The following PFKFB3 variants were observed in gnomAD, a reference collection of about 807,000 sequenced individuals.
PFKFB3 encodes the protein 6-phosphofructo-2-kinase/fructose-2,6-bisphosphatase 3.
Under a neutral mutation model 68.0 loss-of-function variants are expected in PFKFB3, and 33 were observed. That is an observed-to-expected ratio of 0.49 (90% confidence interval 0.37 to 0.65). The LOEUF is 0.65. Ranked by LOEUF, PFKFB3 falls within the 30% of genes least tolerant of loss-of-function variation. The pLI is 0.00. For missense variants in PFKFB3, 586 were observed against 712.2 expected, an observed-to-expected ratio of 0.82 and a Z score of 2.02; for synonymous variants, 315 against 288.2, an observed-to-expected ratio of 1.09 and a Z score of -0.94.
rs79106106 is a variant in PFKFB3 at position 6,174,591 on chromosome 10, G to A, written c.16+29578G>A. Among the ~76,000 whole-genome samples the A allele has an allele frequency of 6.8e-3, 1,042 of 152,280 alleles. 12 individuals carry two copies. Among genetic ancestry groups the A allele is most frequent in the African/African-American group, 0.024 (985 of 41,562 alleles). On this transcript the variant is annotated intron_variant, in intron 1 of 14. Transcript: ENST00000379789. ...GGCGTGTTTCTGTTTCTGTGGCACT[G>A]GGCCTGCTGCCCCTGGACTGTGGAG...
rs1845842496 is a variant in PFKFB3, at chr10:6,233,060, G to T, written c.*118G>T. 7.4e-6 allele frequency: 6 copies of T among 807,856 alleles called. No homozygotes were observed. In the East Asian group the frequency reaches 1.5e-4, roughly 21 times the overall value. 50.0% of individuals were successfully genotyped at this position (807,856 alleles called of 1,614,324 possible). On this transcript the variant is annotated 3_prime_UTR_variant, in exon 15 of 15. Coordinates refer to ENST00000379775, the MANE Select transcript of PFKFB3 (RefSeq NM_004566.4). Reference sequence around the variant, plus strand: ...TCCGGAGAGGGTGGGGTGGAGCAGCGGGGGAGCCTTGGCCGAAGAGAACCA... The same window carrying T: ...TCCGGAGAGGGTGGGGTGGAGCAGCTGGGGAGCCTTGGCCGAAGAGAACCA...
At chr10:6,186,113 G>T (rs1405542875) in intron 1 of PFKFB3, among the ~76,000 whole-genome samples, 6 of 152,006 alleles carry the variant, frequency 3.9e-5, no homozygotes. Context: ...GGTATATGAT[G>T]GAGAAATGAT....
At chr10:6,237,585 T>C (rs978487575), downstream of PFKFB3, among the ~76,000 whole-genome samples, 1 of 152,258 alleles carries the variant, frequency 6.6e-6, no homozygotes, top group Non-Finnish European at 1.5e-5. Context: ...AGTTTGTTTT[T>C]TGAGACAGGG....
chr10:6,164,770 CTG>C (rs1335369347), intron 1 of PFKFB3, among the ~76,000 whole-genome samples: 1 of 152,186 alleles, frequency 6.6e-6, no homozygotes, highest in African/African-American at 2.4e-5. Flanking sequence ...AGGAAAGGTA[CTG>C]TGCCCTGATG....
At chr10:6,309,971 G>A in the PFKFB3 span, among the ~76,000 whole-genome samples, 8 of 152,328 alleles carry the variant, frequency 5.3e-5, no homozygotes, top group Admixed American at 2.0e-4. Flanking sequence ...ATAGATGTAA[G>A]CTAATATATT....
At chr10:6,305,883 G>A in the PFKFB3 span, among the ~76,000 whole-genome samples, 1 of 152,186 alleles carries the variant, frequency 6.6e-6, no homozygotes, top group Non-Finnish European at 1.5e-5. Context: ...ATTCAGACTG[G>A]AAATCTGCCT....
At chr10:6,310,189 T>C in the PFKFB3 span, among the ~76,000 whole-genome samples, 4 of 152,064 alleles carry the variant, frequency 2.6e-5, no homozygotes, top group Non-Finnish European at 5.9e-5. Flanking sequence ...CCATTCTCAC[T>C]ACATCCTCCC....
chr10:6,286,267 A>G, the PFKFB3 span, among the ~76,000 whole-genome samples: 11 of 150,662 alleles, frequency 7.3e-5, no homozygotes, highest in Non-Finnish European at 8.9e-5. Context: ...GTGAGCCACC[A>G]CGCCAGGCCC....
chr10:6,209,214 G>T (rs142048639), intron 1 of PFKFB3, among the ~76,000 whole-genome samples: 3 of 152,144 alleles, frequency 2.0e-5, no homozygotes, highest in African/African-American at 7.2e-5. Flanking sequence ...CTTTGAGCTC[G>T]AGTCCCCCAG....
chr10:6,243,276 G>A (rs1377094097), intron 14 of PFKFB3, among the ~76,000 whole-genome samples: 1 of 152,162 alleles, frequency 6.6e-6, no homozygotes, highest in Non-Finnish European at 1.5e-5. Flanking sequence ...CCAAGCAGCT[G>A]GTCCTGGGAC....
intron 14 of PFKFB3, among the ~76,000 whole-genome samples, chr10:6,241,558 C>T (rs1321368716): frequency 3.3e-5 from 5 of 152,230 alleles, no homozygotes; most frequent in African/African-American, 7.2e-5. Context: ...CAGGCCAGGT[C>T]GCATGGCTCA....
chr10:6,147,839 C>G (rs1190058499), intron 1 of PFKFB3, among the ~76,000 whole-genome samples: 1 of 151,178 alleles, frequency 6.6e-6, no homozygotes, highest in Admixed American at 6.6e-5. Flanking sequence ...TACAGGGGAG[C>G]CTGACGGGGT....
At chr10:6,236,748 C>T (rs184361057), downstream of PFKFB3, among the ~76,000 whole-genome samples, 2,190 of 152,324 alleles carry the variant, frequency 0.014, 47 homozygotes, top group African/African-American at 0.051. Flanking sequence ...AATTAAAAGA[C>T]TGCTCCCAAA....
the PFKFB3 span, among the ~76,000 whole-genome samples, chr10:6,265,093 T>TC: frequency 2.0e-5 from 3 of 150,304 alleles, no homozygotes; most frequent in Non-Finnish European, 4.4e-5. Context: ...TTTTTTTTTT[T>TC]TTTTTGAGAT....
chr10:6,208,371 C>CTTTTTTTTTTTTTTT (rs35447462), intron 1 of PFKFB3, among the ~76,000 whole-genome samples: 1,336 of 60,590 alleles, frequency 0.022, 227 homozygotes, highest in African/African-American at 0.045. Flanking sequence ...GGTACCTGGC[C>CTTTTTTTTTTTTTTT]TTTTTTTTTT....
chr10:6,299,633 TCTC>T, the PFKFB3 span, among the ~76,000 whole-genome samples: 3 of 152,232 alleles, frequency 2.0e-5, no homozygotes, highest in Admixed American at 6.5e-5. Flanking sequence ...CACCAAATCT[TCTC>T]CTTATACAGG....
intron 10 of PFKFB3, 188 bp from the exon 11 acceptor site, chr10:6,222,667 T>C: frequency 1.9e-6 from 1 of 513,208 alleles, no homozygotes; most frequent in Non-Finnish European, 3.3e-6. Context: ...GGGAGCGGAG[T>C]GGGGAGGGCT....
chr10:6,251,710 C>G lies in PFKFB3; in HGVS notation c.1516-2468C>G, dbSNP rs923040408. On this transcript the variant is annotated intron_variant, in intron 14 of 14. Transcript: ENST00000640683. ...CCTTGGCTGGGTGCAGTGGCTCATG[C>G]CTGTAATCCCAGCATTTTGGGAGGC... is the stretch of plus-strand genomic sequence containing the variant. Among the ~76,000 whole-genome samples the G allele has an allele frequency of 5.3e-5, 8 of 152,284 alleles. 1 individual carries two copies. The South Asian group carries it at 1.5e-3, about 28-fold the overall frequency.
downstream of PFKFB3, among the ~76,000 whole-genome samples, chr10:6,237,825 C>A: frequency 6.6e-6 from 1 of 152,146 alleles, no homozygotes; most frequent in Non-Finnish European, 1.5e-5. Flanking sequence ...CTTAACCTCC[C>A]AAAGTGCTGG....
Sources: gnomAD v4.1 joint callset for allele counts (sites outside exome capture counted in the v4.1 genomes callset) on GRCh38, gnomAD v4.1.1 for gene constraint, MANE v1.5 for transcripts, NCBI Gene and HGNC (gene_info 2026-07-23, HGNC 2026-07-21) for gene names.